Variants in CHLSN observed in about 807,000 individuals in gnomAD.
CHLSN encodes the protein cholesin, also known as protein cholesin.
chr7:1,040,921 G>A, the CHLSN span, among the ~76,000 whole-genome samples: 110 of 152,366 alleles, frequency 7.2e-4, no homozygotes, highest in Middle Eastern at 3.4e-3. Context: ...GGCTGCAGCC[G>A]CGCTCCGTGA....
the CHLSN span, among the ~76,000 whole-genome samples, chr7:1,080,571 C>T: frequency 6.6e-6 from 1 of 152,244 alleles, no homozygotes; most frequent in Non-Finnish European, 1.5e-5. Flanking sequence ...GAGTCTGGAA[C>T]AGGACGGTTT....
At chr7:1,057,518 G>T in the CHLSN span, 25 of 768,074 alleles carry the variant, frequency 3.3e-5, no homozygotes, top group Non-Finnish European at 5.6e-5. Flanking sequence ...CGGCCGCCAT[G>T]TGGAGCTGCA....
At chr7:1,002,907 G>A in the CHLSN span, among the ~76,000 whole-genome samples, 2 of 106,230 alleles carry the variant, frequency 1.9e-5, no homozygotes, top group African/African-American at 8.0e-5. Flanking sequence ...GTGGAGTCCT[G>A]TGGGTTTGGA....
the CHLSN span, chr7:987,230 C>T: frequency 3.4e-5 from 52 of 1,534,562 alleles, no homozygotes; most frequent in African/African-American, 4.8e-4. Flanking sequence ...GATGGGCCGG[C>T]ACCCGGACGT....
At chr7:1,099,144 C>T in the CHLSN span, among the ~76,000 whole-genome samples, 1 of 138,078 alleles carries the variant, frequency 7.2e-6, no homozygotes, top group Admixed American at 7.3e-5. Flanking sequence ...GCCTCCCCTT[C>T]CGGAGCCTCG....
At chr7:999,985 G>A in the CHLSN span, among the ~76,000 whole-genome samples, 30 of 152,288 alleles carry the variant, frequency 2.0e-4, no homozygotes, top group Admixed American at 8.5e-4. Flanking sequence ...CACATCACGC[G>A]CACACACGTG....
the CHLSN span, among the ~76,000 whole-genome samples, chr7:1,051,409 G>A: frequency 4.6e-5 from 7 of 152,236 alleles, no homozygotes; most frequent in African/African-American, 1.2e-4. Context: ...CCCGCACAGC[G>A]TGGGGAGCAC....
At chr7:1,101,416 TGCG>T in the CHLSN span, among the ~76,000 whole-genome samples, 1 of 151,300 alleles carries the variant, frequency 6.6e-6, no homozygotes, top group South Asian at 2.1e-4. Flanking sequence ...AGCAGGCGCG[TGCG>T]GCGTCGGACC....
chr7:1,116,388 G>A, the CHLSN span, among the ~76,000 whole-genome samples: 14 of 136,504 alleles, frequency 1.0e-4, no homozygotes, highest in South Asian at 2.6e-3. Context: ...CATCACCGAC[G>A]CCCACGCAGG....
At chr7:1,102,526 A>G in the CHLSN span, among the ~76,000 whole-genome samples, 1 of 151,990 alleles carries the variant, frequency 6.6e-6, no homozygotes, top group Non-Finnish European at 1.5e-5. Flanking sequence ...CTTTGGTAAA[A>G]CCAAAGGAGT....
At chr7:1,106,528 T>C in the CHLSN span, among the ~76,000 whole-genome samples, 2 of 152,140 alleles carry the variant, frequency 1.3e-5, no homozygotes, top group Admixed American at 1.3e-4. Context: ...CCACAGAGTC[T>C]GCTGGCAGCA....
chr7:1,050,649 C>T, the CHLSN span, among the ~76,000 whole-genome samples: 6 of 152,210 alleles, frequency 3.9e-5, no homozygotes, highest in Admixed American at 6.5e-5. Context: ...CTTGGAACGC[C>T]GCAGCCTAGG....
chr7:1,001,044 G>A, the CHLSN span, among the ~76,000 whole-genome samples: 2 of 152,202 alleles, frequency 1.3e-5, no homozygotes, highest in Non-Finnish European at 2.9e-5. Context: ...GCTCCCCAGG[G>A]CCACAACCAC....
chr7:1,080,098 G>A, the CHLSN span, among the ~76,000 whole-genome samples: 2 of 152,220 alleles, frequency 1.3e-5, no homozygotes, highest in African/African-American at 2.4e-5. Flanking sequence ...TTTCCCTGGG[G>A]TTAGAAGGAC....
chr7:1,115,490 C>CCATCACCAACGCCCACGCAGGATGACATA, the CHLSN span, among the ~76,000 whole-genome samples: 75 of 140,628 alleles, frequency 5.3e-4, 1 homozygote, highest in East Asian at 0.011. Context: ...AGGATGACTT[C>CCATCACCAACGCCCACGCAGGATGACATA]ACTACAGCTC....
chr7:1,117,546 C>T, the CHLSN span, among the ~76,000 whole-genome samples: 1 of 141,434 alleles, frequency 7.1e-6, no homozygotes, highest in Admixed American at 6.9e-5. Context: ...GACCGGCTTC[C>T]ATCACCAATG....
chr7:1,031,985 G>A, the CHLSN span, among the ~76,000 whole-genome samples: 1 of 152,132 alleles, frequency 6.6e-6, no homozygotes, highest in South Asian at 2.1e-4. Context: ...CCTTCCCCAG[G>A]TAATGAGAAT....
At chr7:1,082,587 C>T in the CHLSN span, among the ~76,000 whole-genome samples, 14 of 152,226 alleles carry the variant, frequency 9.2e-5, no homozygotes, top group African/African-American at 1.7e-4. Context: ...GACCCAAAGC[C>T]GGCCAGGCCA....
At chr7:1,109,437 G>A in the CHLSN span, 1 of 152,234 alleles carries the variant, frequency 6.6e-6, no homozygotes, top group Non-Finnish European at 1.5e-5. Flanking sequence ...CGTGGCCCCT[G>A]AGGCCCCCCA....
Sources: gnomAD v4.1 joint callset for allele counts (sites outside exome capture counted in the v4.1 genomes callset) on GRCh38, gnomAD v4.1.1 for gene constraint, MANE v1.5 for transcripts, NCBI Gene and HGNC (gene_info 2026-07-23, HGNC 2026-07-21) for gene names.